The following TMCC2 variants were observed in gnomAD, a reference collection of about 807,000 sequenced individuals.
TMCC2 encodes the protein transmembrane and coiled-coil domain family 2.
TMCC2 carries 16 observed loss-of-function variants against 49.4 expected under a neutral mutation model. The observed-to-expected ratio is 0.32, with a 90% CI of 0.22 to 0.49. The LOEUF (loss-of-function observed/expected upper bound fraction) is 0.49. TMCC2 is among the 20% of genes least tolerant of loss of function. The probability of loss-of-function intolerance (pLI) is 0.99; values close to 1 mark genes in which losing one functional copy is unlikely to be tolerated. For missense variants in TMCC2, 762 were observed against 989.8 expected (o/e 0.77, Z 3.09); for synonymous variants, 397 against 434.1 (o/e 0.91, Z 1.06).
intron 2 of TMCC2, among the ~76,000 whole-genome samples, chr1:205,265,158 G>A (rs1483143620): frequency 6.6e-6 from 1 of 152,194 alleles, no homozygotes; most frequent in Non-Finnish European, 1.5e-5. Context: ...TCAAGTCTGG[G>A]TCCTAGGGTA....
intron 2 of TMCC2, chr1:205,246,701 T>C: frequency 1.3e-6 from 2 of 1,549,732 alleles, no homozygotes; most frequent in Non-Finnish European, 1.7e-6. Flanking sequence ...GGTGAGTCAA[T>C]GAATACATTT....
intron 1 of TMCC2, among the ~76,000 whole-genome samples, chr1:205,234,753 G>A (rs111330243): frequency 0.023 from 3,490 of 151,738 alleles, 108 homozygotes; most frequent in African/African-American, 0.07. Context: ...TCTGCCTCCC[G>A]GGTTCAAGCG....
chr1:205,272,354 C>A lies in TMCC2; in HGVS notation c.*230C>A. ...TGGAGATAGTGCGGGCACCTGTGGCCAAGTGGAGCAGAGGTGGACATGGGG... is the reference window on the plus strand; with the variant it reads ...TGGAGATAGTGCGGGCACCTGTGGCAAAGTGGAGCAGAGGTGGACATGGGG... On this transcript the variant is annotated 3_prime_UTR_variant, in exon 5 of 5. Transcript: ENST00000358024. The A allele has an allele frequency of 1.3e-6, 1 of 770,512 alleles. No homozygotes were observed. Among genetic ancestry groups the A allele is most frequent in the Non-Finnish European group, 2.0e-6 (1 of 499,122 alleles). The allele number at this position is 770,512 out of a possible 1,614,324, so 47.7% of individuals were successfully genotyped here.
At chr1:205,248,841 C>T (rs1424054619) in intron 2 of TMCC2, among the ~76,000 whole-genome samples, 5 of 152,152 alleles carry the variant, frequency 3.3e-5, no homozygotes, top group African/African-American at 1.2e-4. Flanking sequence ...CAGAACCTCT[C>T]CCCAGCTGAT....
intron 2 of TMCC2, among the ~76,000 whole-genome samples, chr1:205,245,671 C>T (rs754220734): frequency 5.3e-5 from 8 of 152,144 alleles, no homozygotes; most frequent in African/African-American, 1.7e-4. Context: ...TGCCGTGTGC[C>T]TGGCACTGTA....
At chr1:205,229,153 TTGTGTGTGTGTGTGTGTGTGTGTGTGTG>T (rs56153352) in intron 1 of TMCC2, 4 of 540,944 alleles carry the variant, frequency 7.4e-6, no homozygotes, top group African/African-American at 2.2e-5. Context: ...ATTGGGATCT[TTGTGTGTGTGTGTGTGTGTGTGTGTGTG>T]TGTGTGTGTG....
chr1:205,258,742 A>G (rs1660982547), intron 2 of TMCC2, among the ~76,000 whole-genome samples: 1 of 152,220 alleles, frequency 6.6e-6, no homozygotes, highest in Non-Finnish European at 1.5e-5. Flanking sequence ...GGGTTGGTAC[A>G]AGAAATTTCA....
At chr1:205,240,076 T>A (rs1574836042) in intron 1 of TMCC2, among the ~76,000 whole-genome samples, 1 of 152,224 alleles carries the variant, frequency 6.6e-6, no homozygotes, top group African/African-American at 2.4e-5. Context: ...GAAATCCTGC[T>A]ATGGCTCATT....
chr1:205,271,756 A>G, intron 4 of TMCC2, 57 bp from the exon 5 acceptor site: 1 of 1,564,444 alleles, frequency 6.4e-7, no homozygotes, highest in Non-Finnish European at 8.6e-7. Flanking sequence ...GTAGGTTTTC[A>G]GCCTAGGGGT....
At position 205,258,063 on chromosome 1, in the gene TMCC2, G is replaced by T. The variant is rs1291062473; in HGVS notation, c.748-10887G>T. Among the ~76,000 whole-genome samples the T allele has an allele frequency of 2.6e-5, 4 of 152,198 alleles. 1 individual carries two copies. The highest frequency in any genetic ancestry group is 2.0e-4 in the Admixed American group (3 of 15,282). ...TTAGATGAGAGGGATGTCTCCACCA[G>T]GACAAGAGAGTAGCCCTTAGGGTCA... is the stretch of plus-strand genomic sequence containing the variant. On this transcript the variant is annotated intron_variant, in intron 2 of 4. Coordinates refer to ENST00000358024, the MANE Select transcript of TMCC2 (RefSeq NM_014858.4).
intron 2 of TMCC2, chr1:205,256,330 C>G: frequency 6.4e-7 from 1 of 1,550,468 alleles, no homozygotes; most frequent in African/African-American, 1.4e-5. Flanking sequence ...TTGTCCTCAG[C>G]TGTGGACCTC....
rs765318579 is a variant in TMCC2, at chr1:205,271,180, G to C, written c.1743G>C (p.Thr581=). The C allele has an allele frequency of 1.2e-6, 2 of 1,614,048 alleles. No homozygotes were observed. The highest frequency in any genetic ancestry group is 2.2e-5 in the East Asian group (1 of 44,878). ...DLTELHQNEM[T]NLKQELASME... ...CTGAGCTTCATCAGAACGAGATGAC[G>C]AACCTGAAGCAGGAGCTGGCCAGCA... Residue 581 remains threonine, a synonymous_variant, in exon 4 of 5, where the codon ACG becomes ACC. Coordinates refer to ENST00000358024, the MANE Select transcript of TMCC2 (RefSeq NM_014858.4).
At chr1:205,270,970 T>G in intron 3 of TMCC2, 150 bp from the exon 4 acceptor site, 1 of 1,095,114 alleles carries the variant, frequency 9.1e-7, no homozygotes, top group Non-Finnish European at 1.3e-6. Flanking sequence ...GTAGCTTCTA[T>G]TGTTGTTGCT....
Position 205,272,237 on chromosome 1 carries a change from A to G in TMCC2, c.*113A>G. 2.0e-6 allele frequency: 3 copies of G among 1,476,308 alleles called. No homozygotes were observed. Among genetic ancestry groups the G allele is most frequent in the Non-Finnish European group, 2.7e-6 (3 of 1,114,248 alleles). 91.5% of individuals were successfully genotyped at this position (1,476,308 alleles called of 1,614,324 possible). On this transcript the variant is annotated 3_prime_UTR_variant, in exon 5 of 5. Transcript: ENST00000358024. ...GTTTGGCCTCCTGCCCAAACTGTCC[A>G]TTCCAGCAGCTCCTGCCCCCTTCTC...
Position 205,257,333 on chromosome 1 carries a change from G to A in TMCC2, c.748-11617G>A, listed in dbSNP as rs1046320475. 5.5e-5 allele frequency: 68 copies of A among 1,232,224 alleles called. No homozygotes were observed. In the Admixed American group the frequency reaches 1.4e-3, roughly 25 times the overall value. The allele number at this position is 1,232,224 out of a possible 1,614,324, so 76.3% of individuals were successfully genotyped here. On this transcript the variant is annotated intron_variant, in intron 2 of 4. Coordinates refer to ENST00000358024, the MANE Select transcript of TMCC2 (RefSeq NM_014858.4). ...GCCTCAGAGCCCCGGGTACCTCATCGCCGGCACGGCTTCGGGAAACAGTGC... is the reference window on the plus strand; with the variant it reads ...GCCTCAGAGCCCCGGGTACCTCATCACCGGCACGGCTTCGGGAAACAGTGC...
intron 2 of TMCC2, among the ~76,000 whole-genome samples, chr1:205,248,771 A>T (rs1558648879): frequency 6.7e-6 from 1 of 150,344 alleles, no homozygotes; most frequent in African/African-American, 2.5e-5. Flanking sequence ...AGAGGGTTGT[A>T]TTTCTCCTTC....
intron 1 of TMCC2, among the ~76,000 whole-genome samples, chr1:205,230,957 C>T (rs1446097158): frequency 6.7e-6 from 1 of 149,530 alleles, no homozygotes; most frequent in Non-Finnish European, 1.5e-5. Flanking sequence ...GAAAAGGAGG[C>T]TTCCCCTTAC....
intron 1 of TMCC2, among the ~76,000 whole-genome samples, chr1:205,239,293 G>C (rs1660176953): frequency 6.6e-6 from 1 of 152,232 alleles, no homozygotes; most frequent in Non-Finnish European, 1.5e-5. Flanking sequence ...TCTGGAGGGA[G>C]GTCTCACATC....
rs190367997 is a variant in TMCC2, at chr1:205,245,932, C to T, written c.747+3888C>T. 6.7e-4 allele frequency among the ~76,000 whole-genome samples: 102 copies of T among 151,946 alleles called. 1 individual carries two copies. The highest frequency in any genetic ancestry group is 1.6e-3 in the Admixed American group (25 of 15,248). ...CTGGGATTACAGGCACTCACCACCT[C>T]GCCCGGCTAATTTTTGTATTTTTAG... On this transcript the variant is annotated intron_variant, in intron 2 of 4. Transcript: ENST00000358024.
Sources: gnomAD v4.1 joint callset for allele counts (sites outside exome capture counted in the v4.1 genomes callset) on GRCh38, gnomAD v4.1.1 for gene constraint, MANE v1.5 for transcripts, NCBI Gene and HGNC (gene_info 2026-07-23, HGNC 2026-07-21) for gene names.